Variants in ATP2A2 observed in about 807,000 individuals in gnomAD.
ATP2A2 encodes the protein sarcoplasmic/endoplasmic reticulum calcium ATPase 2.
In ATP2A2, 14 loss-of-function variants were observed where a neutral mutation model predicts 109.3. That is an observed-to-expected ratio of 0.13 (90% CI 0.08 to 0.20). ATP2A2 has a LOEUF of 0.20. ATP2A2 is among the 10% of genes least tolerant of loss of function. ATP2A2 has a pLI of 1.00. For missense variants in ATP2A2, 657 were observed against 1,321.6 expected, an observed-to-expected ratio of 0.50 and a Z score of 7.80; for synonymous variants, 506 against 490.9, an observed-to-expected ratio of 1.03 and a Z score of -0.41.
intron 5 of ATP2A2, among the ~76,000 whole-genome samples, chr12:110,311,236 G>A (rs1876001041): frequency 6.6e-6 from 1 of 152,202 alleles, no homozygotes; most frequent in East Asian, 1.9e-4. Context: ...TTGTGGGTTG[G>A]TTGGTTGGTT....
In ATP2A2 at chr12:110,334,287, C is replaced by T. The variant is rs1016194725; in HGVS notation, c.1419+144C>T. On this transcript the variant is annotated intron_variant, in intron 11 of 19. Coordinates refer to ENST00000539276, the MANE Select transcript of ATP2A2 (RefSeq NM_170665.4). ...CAGTATTTCCTTCCCCATATTCACT[C>T]TCAGGTAAGATGCTCTTCCTGTGTA... is the stretch of plus-strand genomic sequence containing the variant. The T allele has an allele frequency of 7.7e-6, 8 of 1,037,130 alleles. No individual in the cohort carries two copies. The African/African-American group carries it at 1.1e-4, about 14-fold the overall frequency. The allele number at this position is 1,037,130 out of a possible 1,614,324, so 64.2% of individuals were successfully genotyped here. A position where few individuals can be genotyped will look rare whatever the true frequency, so the allele number is the denominator to read the frequency against.
intron 5 of ATP2A2, among the ~76,000 whole-genome samples, chr12:110,299,920 C>G (rs1475442455): frequency 6.6e-6 from 1 of 152,096 alleles, no homozygotes; most frequent in Non-Finnish European, 1.5e-5. Flanking sequence ...TCATGCCCAG[C>G]TAATTTTGTA....
rs1880212310 is a variant in ATP2A2, at chr12:110,349,623, G to A, written c.*3153G>A. On this transcript the variant is annotated 3_prime_UTR_variant, in exon 20 of 20. Coordinates refer to ENST00000539276, the MANE Select transcript of ATP2A2 (RefSeq NM_170665.4). The stretch of plus-strand genomic sequence containing the variant: ...GGACTGGAGCTTCAGCCCTGACTGA[G>A]GTGGGCAGACCTAAGACCTGAGACC... The A allele has an allele frequency of 1.0e-6, 1 of 986,416 alleles. No homozygotes were observed. Among genetic ancestry groups the A allele is most frequent in the Non-Finnish European group, 1.2e-6 (1 of 830,598 alleles). The allele number at this position is 986,416 out of a possible 1,614,324, so 61.1% of individuals were successfully genotyped here. A position where few individuals can be genotyped will look rare whatever the true frequency, so the allele number is the denominator to read the frequency against.
At chr12:110,335,791 A>G (rs961470619) in intron 11 of ATP2A2, among the ~76,000 whole-genome samples, 9 of 152,364 alleles carry the variant, frequency 5.9e-5, no homozygotes, top group African/African-American at 2.2e-4. Context: ...GAGGAGCAGA[A>G]GGAGCTTAGG....
chr12:110,332,082 A>G (rs936311939), intron 8 of ATP2A2: 2 of 186,136 alleles, frequency 1.1e-5, no homozygotes, highest in East Asian at 2.7e-4. Flanking sequence ...AGGAGCAGAG[A>G]AGCAGTTTGT....
chr12:110,340,530 C>T lies in ATP2A2; in HGVS notation c.1762-129C>T, dbSNP rs1438352180. The stretch of plus-strand genomic sequence containing the variant: ...TCCAGCCTGGGCAACAAGAGCGAAA[C>T]TCCGCCTCAAAAAAAAAAAAAGAAA... On this transcript the variant is annotated intron_variant, in intron 13 of 19. Coordinates refer to ENST00000539276, the MANE Select transcript of ATP2A2 (RefSeq NM_170665.4). The surrounding 1 kb of genome is among the most constrained non-coding windows in gnomAD (Gnocchi z 6.0). 4.6e-6 allele frequency: 5 copies of T among 1,076,850 alleles called. No individual in the cohort carries two copies. The highest frequency in any genetic ancestry group is 2.4e-5 in the East Asian group (1 of 41,514). 66.7% of individuals were successfully genotyped at this position (1,076,850 alleles called of 1,614,324 possible).
Position 110,339,760 on chromosome 12 carries a change from G to T in ATP2A2, c.1761+39G>T, listed in dbSNP as rs745704735. 3 of 1,591,614 alleles carry T rather than the reference G, an allele frequency of 1.9e-6. No individual in the cohort carries two copies. Among genetic ancestry groups the T allele is most frequent in the Non-Finnish European group, 2.6e-6 (3 of 1,161,158 alleles). On this transcript the variant is annotated intron_variant, in intron 13 of 19. Coordinates refer to ENST00000539276, the MANE Select transcript of ATP2A2 (RefSeq NM_170665.4). This position sits in a 1 kb window ranked among gnomAD's most constrained non-coding sequence, Gnocchi z 4.4. The stretch of plus-strand genomic sequence containing the variant: ...AAGTTTCTTTGTCCACACCCTGCAC[G>T]ATTCATTGTGTTTAAACAGTACTCC...
Position 110,342,084 on chromosome 12 carries a change from T to A in ATP2A2, c.2098-144T>A. On this transcript the variant is annotated intron_variant, in intron 14 of 19. Transcript: ENST00000539276. This position sits in a 1 kb window ranked among gnomAD's most constrained non-coding sequence, Gnocchi z 4.6. ...TAAAATGTGTTTTGTGACACCAACT[T>A]ATGAAACAAAAATTCTAAAACTCTT... 1 of 942,040 alleles carries A rather than the reference T, an allele frequency of 1.1e-6. No individual in the cohort carries two copies. Among genetic ancestry groups the A allele is most frequent in the South Asian group, 1.4e-5 (1 of 71,706 alleles). The allele number at this position is 942,040 out of a possible 1,614,324, so 58.4% of individuals were successfully genotyped here. A position where few individuals can be genotyped will look rare whatever the true frequency, so the allele number is the denominator to read the frequency against.
At chr12:110,314,804 G>T (rs1876482979) in intron 5 of ATP2A2, among the ~76,000 whole-genome samples, 1 of 151,800 alleles carries the variant, frequency 6.6e-6, no homozygotes, top group African/African-American at 2.4e-5. Context: ...AATATAAAAG[G>T]TCTAATATTG....
chr12:110,297,308 G>T (rs1185182318), intron 5 of ATP2A2, among the ~76,000 whole-genome samples: 2 of 151,982 alleles, frequency 1.3e-5, no homozygotes, highest in South Asian at 4.2e-4. Flanking sequence ...GATGGTGTGT[G>T]CCTGTAGTCC....
chr12:110,324,001 A>G (rs1592841013), intron 6 of ATP2A2, among the ~76,000 whole-genome samples: 1 of 152,216 alleles, frequency 6.6e-6, no homozygotes, highest in Non-Finnish European at 1.5e-5. Context: ...GTTAGCCCCC[A>G]TAAGAGATGA....
intron 5 of ATP2A2, among the ~76,000 whole-genome samples, chr12:110,306,523 A>G (rs1056336042): frequency 4.6e-5 from 7 of 151,580 alleles, no homozygotes; most frequent in African/African-American, 1.7e-4. Flanking sequence ...TTTCCCTCCC[A>G]CTTTTTGGAG....
intron 3 of ATP2A2, among the ~76,000 whole-genome samples, chr12:110,290,242 C>A (rs1315048775): frequency 6.6e-6 from 1 of 152,184 alleles, no homozygotes; most frequent in African/African-American, 2.4e-5. Context: ...GCTATGTTGC[C>A]CAGGCTGGTC....
At position 110,296,127 on chromosome 12, in the gene ATP2A2, G is replaced by GT. The variant is rs146088514; in HGVS notation, c.325-465dup. ...GGTTTTTTTTGTTTTGTTTTGTTTT[G>GT]TTTTTTTGACATAGTCTCTTTCTGT... On this transcript the variant is annotated intron_variant, in intron 4 of 19. Coordinates refer to ENST00000539276, the MANE Select transcript of ATP2A2 (RefSeq NM_170665.4). The GT allele has an allele frequency of 9.2e-3, 1,540 of 166,724 alleles. 30 individuals carry two copies. Among genetic ancestry groups the GT allele is most frequent in the Middle Eastern group, 0.04 (13 of 324 alleles). The allele number at this position is 166,724 out of a possible 1,614,324, so 10.3% of individuals were successfully genotyped here. A position where few individuals can be genotyped will look rare whatever the true frequency, so the allele number is the denominator to read the frequency against.
At chr12:110,293,860 GTGTGTA>G (rs1363718990) in intron 4 of ATP2A2, among the ~76,000 whole-genome samples, 1 of 125,292 alleles carries the variant, frequency 8.0e-6, no homozygotes, top group African/African-American at 3.3e-5. Flanking sequence ...GTGTGTGTGT[GTGTGTA>G]TATATTTTTT....
chr12:110,343,116 T>G, intron 15 of ATP2A2, 116 bp from the exon 16 acceptor site: 1 of 1,060,094 alleles, frequency 9.4e-7, no homozygotes, highest in Non-Finnish European at 1.4e-6. Context: ...ATTTTACAGA[T>G]TACCTGAAGT....
At chr12:110,285,773 G>A (rs917500656) in intron 3 of ATP2A2, among the ~76,000 whole-genome samples, 2 of 151,990 alleles carry the variant, frequency 1.3e-5, no homozygotes, top group African/African-American at 4.8e-5. Flanking sequence ...TTCCACCGTC[G>A]TTTCCCATGT....
rs1287727662 is a variant in ATP2A2 at position 110,296,307 on chromosome 12, G to T, written c.325-292G>T. 15 of 392,240 alleles carry T rather than the reference G, an allele frequency of 3.8e-5. No individual in the cohort carries two copies. The East Asian group carries it at 8.6e-4, about 23-fold the overall frequency. 24.3% of individuals were successfully genotyped at this position (392,240 alleles called of 1,614,324 possible). A position where few individuals can be genotyped will look rare whatever the true frequency, so the allele number is the denominator to read the frequency against. Reference sequence around the variant, plus strand: ...TTGATTTTAAATGGCAGGGGGATTTGGCTAAAGGTGAAAGCTGTGTTTTAC... The same window carrying T: ...TTGATTTTAAATGGCAGGGGGATTTTGCTAAAGGTGAAAGCTGTGTTTTAC... On this transcript the variant is annotated intron_variant, in intron 4 of 19. Transcript: ENST00000539276.
chr12:110,282,060 A>C, intron 1 of ATP2A2, 153 bp downstream of exon 1: 2 of 535,874 alleles, frequency 3.7e-6, no homozygotes, highest in East Asian at 3.7e-5. Context: ...GCGGGAGAGA[A>C]AGGGGCTGCG....
Sources: allele counts gnomAD v4.1 joint callset (sites outside exome capture counted in the v4.1 genomes callset), GRCh38; gene constraint gnomAD v4.1.1; non-coding constraint Gnocchi (gnomAD v3.1); transcripts MANE v1.5; gene names NCBI Gene and HGNC (gene_info 2026-07-23, HGNC 2026-07-21).